GAP43: variants seen among roughly 807,000 people sequenced by gnomAD.
The protein encoded by GAP43 is growth associated protein 43.
A neutral mutation model predicts 18.6 loss-of-function variants in GAP43; 6 were observed. That is an observed-to-expected ratio of 0.32 (90% CI 0.18 to 0.64). The LOEUF (loss-of-function observed/expected upper bound fraction) is 0.64. Ranked by LOEUF, GAP43 falls within the 30% of genes least tolerant of loss-of-function variation. GAP43 has a pLI of 0.78. For synonymous variants in GAP43, 115 were observed against 111.4 expected (o/e 1.03, Z -0.20); for missense variants, 292 against 295.5 (o/e 0.99, Z 0.09).
At chr3:115,694,302 A>G (rs1709155796) in intron 2 of GAP43, among the ~76,000 whole-genome samples, 1 of 152,236 alleles carries the variant, frequency 6.6e-6, no homozygotes, top group African/African-American at 2.4e-5. Flanking sequence ...AGCTTCTATA[A>G]TTAATCGGGC....
At chr3:115,623,921 T>C (rs1337976731) in intron 1 of GAP43, among the ~76,000 whole-genome samples, 1 of 152,124 alleles carries the variant, frequency 6.6e-6, no homozygotes, top group Non-Finnish European at 1.5e-5. Flanking sequence ...TGCTACTAAT[T>C]AGGGTGAGGG....
intron 2 of GAP43, among the ~76,000 whole-genome samples, chr3:115,676,916 A>C (rs1576991368): frequency 6.6e-6 from 1 of 152,220 alleles, no homozygotes; most frequent in Non-Finnish European, 1.5e-5. Flanking sequence ...AATCTGCTTT[A>C]AAAAAGTATT....
At chr3:115,679,444 C>A (rs1018755451) in intron 2 of GAP43, among the ~76,000 whole-genome samples, 1 of 152,104 alleles carries the variant, frequency 6.6e-6, no homozygotes, top group Non-Finnish European at 1.5e-5. Flanking sequence ...GTATGTCCAC[C>A]TCTCCCTAGT....
At chr3:115,717,498 G>A (rs138298937) in intron 2 of GAP43, among the ~76,000 whole-genome samples, 6 of 151,780 alleles carry the variant, frequency 4.0e-5, no homozygotes, top group African/African-American at 1.4e-4. Flanking sequence ...TAGTAGCGAC[G>A]GGGTTTCACC....
intron 2 of GAP43, among the ~76,000 whole-genome samples, chr3:115,693,044 C>T (rs1709134374): frequency 6.6e-6 from 1 of 152,142 alleles, no homozygotes; most frequent in Non-Finnish European, 1.5e-5. Context: ...ACACGCCTGC[C>T]TTCCACTCAG....
chr3:115,628,348 T>A (rs577632287), intron 1 of GAP43, among the ~76,000 whole-genome samples: 2 of 152,198 alleles, frequency 1.3e-5, no homozygotes, highest in South Asian at 2.1e-4. Flanking sequence ...TTTTGCCTCA[T>A]CTATCTTAAA....
chr3:115,663,520 G>T, intron 1 of GAP43: 1 of 1,226,416 alleles, frequency 8.2e-7, no homozygotes, highest in East Asian at 3.8e-5. Flanking sequence ...TTTGCTTTCA[G>T]AATTAAAAGG....
chr3:115,681,354 C>T (rs1708955628), intron 2 of GAP43, among the ~76,000 whole-genome samples: 2 of 152,140 alleles, frequency 1.3e-5, no homozygotes, highest in African/African-American at 2.4e-5. Flanking sequence ...TTAACTGTAG[C>T]CCTACAGTTC....
chr3:115,641,948 C>T (rs148404906), intron 1 of GAP43, among the ~76,000 whole-genome samples: 1 of 152,114 alleles, frequency 6.6e-6, no homozygotes, highest in African/African-American at 2.4e-5. Flanking sequence ...CTCTGAAACC[C>T]CCTGTTGAAG....
chr3:115,648,855 A>AGT (rs1559791762), intron 1 of GAP43, among the ~76,000 whole-genome samples: 1 of 152,198 alleles, frequency 6.6e-6, no homozygotes, highest in Admixed American at 6.5e-5. Context: ...ATAAATGGTC[A>AGT]GTACTATTAA....
At chr3:115,680,739 G>A (rs1052295740) in intron 2 of GAP43, among the ~76,000 whole-genome samples, 8 of 152,226 alleles carry the variant, frequency 5.3e-5, no homozygotes, top group East Asian at 3.9e-4. Flanking sequence ...AATTATTAAC[G>A]AAAAGAATAG....
At chr3:115,669,344 G>T (rs1174092245) in intron 1 of GAP43, among the ~76,000 whole-genome samples, 1 of 152,022 alleles carries the variant, frequency 6.6e-6, no homozygotes, top group African/African-American at 2.4e-5. Flanking sequence ...AACAAAAATT[G>T]ACAAAATCGA....
chr3:115,663,595 A>G (rs948769150), intron 1 of GAP43: 1 of 1,302,276 alleles, frequency 7.7e-7, no homozygotes, highest in Non-Finnish European at 9.7e-7. Context: ...AATCTTCACA[A>G]GGAAAATGAG....
intron 1 of GAP43, among the ~76,000 whole-genome samples, chr3:115,625,273 C>T (rs962073387): frequency 6.8e-6 from 1 of 145,992 alleles, no homozygotes; most frequent in African/African-American, 2.6e-5. Flanking sequence ...GGGAAAAAGT[C>T]GGATAGTGGG....
chr3:115,681,679 A>G (rs1708959160), intron 2 of GAP43, among the ~76,000 whole-genome samples: 1 of 152,222 alleles, frequency 6.6e-6, no homozygotes, highest in Non-Finnish European at 1.5e-5. Context: ...GAGTTAACAT[A>G]TAAAAGTCTA....
intron 1 of GAP43, among the ~76,000 whole-genome samples, chr3:115,638,819 A>G (rs1708360608): frequency 6.6e-6 from 1 of 151,798 alleles, no homozygotes; most frequent in Non-Finnish European, 1.5e-5. Flanking sequence ...TTTCTTCTTT[A>G]TGGAGACTCT....
At chr3:115,699,364 T>G (rs1397224271) in intron 2 of GAP43, among the ~76,000 whole-genome samples, 1 of 152,100 alleles carries the variant, frequency 6.6e-6, no homozygotes, top group East Asian at 1.9e-4. Context: ...CAACCTTCCT[T>G]CCTCTTCCCC....
At chr3:115,701,596 G>A (rs775980324) in intron 2 of GAP43, among the ~76,000 whole-genome samples, 1 of 151,966 alleles carries the variant, frequency 6.6e-6, no homozygotes, top group Non-Finnish European at 1.5e-5. Context: ...CTTGGAGATG[G>A]TAATCTTGTT....
chr3:115,663,639 C>A lies in GAP43; in HGVS notation c.31-12374C>A. The stretch of plus-strand genomic sequence containing the variant: ...TCACCTGGGTGACGAGGTCATAACA[C>A]CTCAGCCCTTGCTTAAAAAATTTTA... On this transcript the variant is annotated intron_variant, in intron 1 of 2. Transcript: ENST00000305124. The A allele has an allele frequency of 7.0e-6, 10 of 1,421,174 alleles. No individual in the cohort carries two copies. In the South Asian group the frequency reaches 1.5e-4, roughly 21 times the overall value. 88.0% of individuals were successfully genotyped at this position (1,421,174 alleles called of 1,614,324 possible). A position where few individuals can be genotyped will look rare whatever the true frequency, so the allele number is the denominator to read the frequency against.
Sources: gnomAD v4.1 joint callset for allele counts (sites outside exome capture counted in the v4.1 genomes callset) on GRCh38, gnomAD v4.1.1 for gene constraint, MANE v1.5 for transcripts, NCBI Gene and HGNC (gene_info 2026-07-23, HGNC 2026-07-21) for gene names.